The following CFAP20DC variants were observed in gnomAD, a reference collection of about 807,000 sequenced individuals.
CFAP20DC encodes CFAP20 domain containing.
A neutral mutation model predicts 101.7 loss-of-function variants in CFAP20DC; 84 were observed. The observed-to-expected ratio is 0.83, with a 90% CI of 0.69 to 0.99. The LOEUF is 0.99. CFAP20DC is among the 50% of genes least tolerant of loss of function. CFAP20DC has a pLI of 0.00. For missense variants in CFAP20DC, 1,007 were observed against 970.3 expected, an observed-to-expected ratio of 1.04 and a Z score of -0.50; for synonymous variants, 359 against 351.2, an observed-to-expected ratio of 1.02 and a Z score of -0.25.
intron 15 of CFAP20DC, among the ~76,000 whole-genome samples, chr3:58,791,536 T>C (rs150634089): frequency 5.7e-4 from 87 of 152,280 alleles, no homozygotes; most frequent in African/African-American, 2.0e-3. Flanking sequence ...GTGAATAGTT[T>C]AACCAATTTT....
rs2076419836 is a variant in CFAP20DC, at chr3:58,831,912, A to G, written c.1972-23T>C. The G allele has an allele frequency of 2.5e-6, 4 of 1,605,772 alleles. No homozygotes were observed. In the African/African-American group the frequency reaches 4.0e-5, roughly 16 times the overall value. ...TTCCTGACCAAGAGAGAGGAAAATA[A>G]CAAAGGGTCATTTGGCCTAATTCTA... On this transcript the variant is annotated intron_variant, in intron 13 of 16. Coordinates refer to ENST00000482387, the MANE Select transcript of CFAP20DC (RefSeq NM_001394063.1).
At chr3:58,821,382 T>TG (rs1202458897) in intron 14 of CFAP20DC, among the ~76,000 whole-genome samples, 1 of 152,060 alleles carries the variant, frequency 6.6e-6, no homozygotes, top group Non-Finnish European at 1.5e-5. Flanking sequence ...AGAAAATTTT[T>TG]GCAACCTACT....
chr3:59,046,440 C>G, intron 2 of CFAP20DC, 118 bp from the exon 3 acceptor site: 1 of 672,858 alleles, frequency 1.5e-6, no homozygotes, highest in South Asian at 1.8e-5. Flanking sequence ...AACTTAAAAG[C>G]AGGCTCAGGC....
intron 13 of CFAP20DC, among the ~76,000 whole-genome samples, chr3:58,838,927 A>G (rs373174653): frequency 2.6e-4 from 40 of 152,346 alleles, no homozygotes; most frequent in African/African-American, 9.1e-4. Context: ...CCTTGTACAT[A>G]GGACAAGTAT....
chr3:58,898,895 T>C (rs182221258), intron 6 of CFAP20DC, among the ~76,000 whole-genome samples: 16 of 151,746 alleles, frequency 1.1e-4, no homozygotes, highest in Admixed American at 9.8e-4. Context: ...TATGTTATTG[T>C]TGTTTTCTCT....
At chr3:58,952,688 A>T (rs1470225455) in intron 4 of CFAP20DC, among the ~76,000 whole-genome samples, 2 of 147,648 alleles carry the variant, frequency 1.4e-5, no homozygotes, top group African/African-American at 5.1e-5. Flanking sequence ...GTCTTGATTT[A>T]AAAAAAAAAG....
intron 15 of CFAP20DC, among the ~76,000 whole-genome samples, chr3:58,801,075 A>AGAGAGAGAGAGAGAGAGAGAGAGAC: frequency 7.7e-6 from 1 of 129,490 alleles, no homozygotes; most frequent in African/African-American, 3.3e-5. Context: ...GAGAGAGAGA[A>AGAGAGAGAGAGAGAGAGAGAGAGAC]AGTGAGAGAG....
chr3:58,807,004 T>A (rs915796905), intron 14 of CFAP20DC, among the ~76,000 whole-genome samples: 5 of 151,960 alleles, frequency 3.3e-5, no homozygotes, highest in African/African-American at 1.2e-4. Context: ...AAGGCGGCAG[T>A]GAGGCTGGGG....
intron 6 of CFAP20DC, among the ~76,000 whole-genome samples, chr3:58,890,047 C>T (rs1160088013): frequency 1.5e-4 from 22 of 145,638 alleles, no homozygotes; most frequent in African/African-American, 4.6e-4. Flanking sequence ...CATCCTGGCC[C>T]GTTCTCAATG....
intron 4 of CFAP20DC, among the ~76,000 whole-genome samples, chr3:58,957,804 T>C (rs1160114092): frequency 6.6e-6 from 1 of 152,034 alleles, no homozygotes; most frequent in African/African-American, 2.4e-5. Flanking sequence ...ATCAAAACAA[T>C]TGAACTCATG....
intron 4 of CFAP20DC, among the ~76,000 whole-genome samples, chr3:58,984,457 A>G (rs1333664780): frequency 1.3e-5 from 2 of 152,252 alleles, no homozygotes; most frequent in Non-Finnish European, 2.9e-5. Context: ...TGCAACGAGC[A>G]GAATCATCAC....
At chr3:59,044,510 A>C (rs1383703529) in intron 3 of CFAP20DC, among the ~76,000 whole-genome samples, 1 of 152,104 alleles carries the variant, frequency 6.6e-6, no homozygotes, top group African/African-American at 2.4e-5. Flanking sequence ...CTGTTTTTTT[A>C]CAATTAAAAC....
intron 12 of CFAP20DC, among the ~76,000 whole-genome samples, chr3:58,850,520 G>A (rs1424279885): frequency 4.0e-5 from 6 of 151,030 alleles, no homozygotes; most frequent in South Asian, 4.2e-4. Context: ...CCTGGGAGGC[G>A]GAGGTTGCAG....
At chr3:58,753,887 A>G (rs2068741367) in intron 15 of CFAP20DC, 24 bp from the exon 16 acceptor site, 1 of 1,494,658 alleles carries the variant, frequency 6.7e-7, no homozygotes, top group South Asian at 1.2e-5. Context: ...AAAGTGAATG[A>G]GCATGTCTGG....
chr3:58,894,717 G>A lies in CFAP20DC; in HGVS notation c.551-10008C>T, dbSNP rs1279671774. Among the ~76,000 whole-genome samples, 1 of 152,210 alleles carries A rather than the reference G, an allele frequency of 6.6e-6. No homozygotes were observed. The highest frequency in any genetic ancestry group is 1.5e-5 in the Non-Finnish European group (1 of 68,026). Reference sequence around the variant, plus strand: ...GCTCCACTAGATGGTGCCCCAGTAGGGAGTCTGTGTGGTGGCTCCAATCCC... The same window carrying A: ...GCTCCACTAGATGGTGCCCCAGTAGAGAGTCTGTGTGGTGGCTCCAATCCC... On this transcript the variant is annotated intron_variant, in intron 6 of 16. Coordinates refer to ENST00000482387, the MANE Select transcript of CFAP20DC (RefSeq NM_001394063.1). This position sits in a 1 kb window ranked among gnomAD's most constrained non-coding sequence, Gnocchi z 4.1.
intron 4 of CFAP20DC, among the ~76,000 whole-genome samples, chr3:59,009,978 G>A (rs1314173197): frequency 6.6e-6 from 1 of 152,064 alleles, no homozygotes; most frequent in Admixed American, 6.6e-5. Context: ...ATGAAGGGGA[G>A]AATAAATCTT....
chr3:58,723,528 G>A (rs893725284), intron 3 of CFAP20DC, among the ~76,000 whole-genome samples: 1 of 152,204 alleles, frequency 6.6e-6, no homozygotes, highest in Non-Finnish European at 1.5e-5. Flanking sequence ...AAACAAGAAG[G>A]ATTCTTGTAC....
At chr3:58,996,567 G>T (rs1174807650) in intron 4 of CFAP20DC, among the ~76,000 whole-genome samples, 1 of 152,158 alleles carries the variant, frequency 6.6e-6, no homozygotes, top group Non-Finnish European at 1.5e-5. Flanking sequence ...TCAGGTCAGA[G>T]TATATAAACA....
At chr3:58,936,644 A>T (rs1290849960) in intron 5 of CFAP20DC, among the ~76,000 whole-genome samples, 1 of 152,210 alleles carries the variant, frequency 6.6e-6, no homozygotes, top group Non-Finnish European at 1.5e-5. Context: ...TGAAGCTGGA[A>T]ACCATCATTC....
Sources: allele counts gnomAD v4.1 joint callset (sites outside exome capture counted in the v4.1 genomes callset), GRCh38; gene constraint gnomAD v4.1.1; non-coding constraint Gnocchi (gnomAD v3.1); transcripts MANE v1.5; gene names NCBI Gene and HGNC (gene_info 2026-07-23, HGNC 2026-07-21).